MTHFD1: variants seen among roughly 807,000 people sequenced by gnomAD.
MTHFD1 encodes the protein methylenetetrahydrofolate dehydrogenase, cyclohydrolase and formyltetrahydrofolate synthetase 1.
MTHFD1 carries 44 observed loss-of-function variants against 110.3 expected under a neutral mutation model. That is an observed-to-expected ratio of 0.40 (90% CI 0.31 to 0.51). The LOEUF (loss-of-function observed/expected upper bound fraction) is 0.51, where lower values mean the gene tolerates loss of function less well. Ranked by LOEUF, MTHFD1 falls within the 20% of genes least tolerant of loss-of-function variation. The pLI is 0.60. For missense variants in MTHFD1, 909 were observed against 1,173.1 expected (o/e 0.77, Z 3.29); for synonymous variants, 402 against 428.8 (o/e 0.94, Z 0.77).
At chr14:64,396,015 G>C (rs2077845672) in intron 1 of MTHFD1, among the ~76,000 whole-genome samples, 1 of 152,152 alleles carries the variant, frequency 6.6e-6, no homozygotes, top group Non-Finnish European at 1.5e-5. Flanking sequence ...CAATTGGATG[G>C]AAGAACTTTA....
At chr14:64,396,594 G>A (rs1207863372) in intron 1 of MTHFD1, among the ~76,000 whole-genome samples, 3 of 142,130 alleles carry the variant, frequency 2.1e-5, no homozygotes, top group South Asian at 2.3e-4. Flanking sequence ...TAGTAGAGAC[G>A]GGGTTTCACC....
At chr14:64,411,902 GA>G (rs368259635) in intron 3 of MTHFD1, among the ~76,000 whole-genome samples, 24 of 146,422 alleles carry the variant, frequency 1.6e-4, no homozygotes, top group South Asian at 1.1e-3. Flanking sequence ...GCTCCAACCA[GA>G]AAAAAAAAAG....
intron 4 of MTHFD1, among the ~76,000 whole-genome samples, chr14:64,414,534 C>T (rs906868339): frequency 1.8e-4 from 28 of 151,672 alleles, no homozygotes; most frequent in Non-Finnish European, 7.4e-5. Context: ...TCAAGTGATC[C>T]AGTAGCTGCT....
intron 16 of MTHFD1, among the ~76,000 whole-genome samples, chr14:64,438,682 G>A (rs1295907823): frequency 1.3e-5 from 2 of 152,154 alleles, no homozygotes; most frequent in Non-Finnish European, 2.9e-5. Context: ...ATTTGCACTT[G>A]CCCTGATTTG....
Position 64,444,711 on chromosome 14 carries a change from C to T in MTHFD1, c.2155C>T (p.Leu719Phe). 6.2e-7 allele frequency: 1 copy of T among 1,614,108 alleles called. No individual in the cohort carries two copies. The highest frequency in any genetic ancestry group is 2.2e-5 in the East Asian group (1 of 44,882). ...CTTCCAGGTCACTGCTGGACTGCCTCTTCCCAAGGCTTACATACAGGAGGT... is the reference window on the plus strand; with the variant it reads ...CTTCCAGGTCACTGCTGGACTGCCTTTTCCCAAGGCTTACATACAGGAGGT... ...GGPTVTAGLP[L>F]PKAYIQENLE... Residue 719 changes from leucine to phenylalanine, a missense_variant, in exon 22 of 28, where the codon CTT becomes TTT. By Grantham distance (22) the Leu-to-Phe change is conservative (BLOSUM62 0). Around this residue, in one of 3 missense-constraint regions of MTHFD1, gnomAD observed 482 missense variants for 646.0 expected, o/e 0.75. Coordinates refer to ENST00000652337, the MANE Select transcript of MTHFD1 (RefSeq NM_005956.4).
At chr14:64,423,363 G>A (rs2078090365) in intron 8 of MTHFD1, among the ~76,000 whole-genome samples, 2 of 151,968 alleles carry the variant, frequency 1.3e-5, no homozygotes, top group Non-Finnish European at 2.9e-5. Flanking sequence ...AGCCTTCTTT[G>A]CATTTTGGAC....
In MTHFD1 at chr14:64,405,962, T is replaced by C. The variant is rs187754127; in HGVS notation, c.126+5085T>C. The stretch of plus-strand genomic sequence containing the variant: ...CAAAATTTATTTGTGTTTCATTATA[T>C]ACCTTATACTTGTAGACTGAAGGTA... On this transcript the variant is annotated intron_variant, in intron 2 of 27. Coordinates refer to ENST00000652337, the MANE Select transcript of MTHFD1 (RefSeq NM_005956.4). 4.0e-3 allele frequency among the ~76,000 whole-genome samples: 613 copies of C among 151,624 alleles called. 2 individuals carry two copies. Among genetic ancestry groups the C allele is most frequent in the African/African-American group, 0.014 (581 of 41,426 alleles).
At chr14:64,454,249 C>A (rs978436744) in intron 25 of MTHFD1, among the ~76,000 whole-genome samples, 5 of 152,070 alleles carry the variant, frequency 3.3e-5, no homozygotes, top group Non-Finnish European at 7.4e-5. Flanking sequence ...AGTAGCTGCG[C>A]CTACAGGCAC....
At chr14:64,435,763 C>A in intron 16 of MTHFD1, 92 bp downstream of exon 16, 2 of 814,174 alleles carry the variant, frequency 2.5e-6, no homozygotes, top group Non-Finnish European at 2.2e-6. Context: ...GGCTCAGAAG[C>A]TTCCATGTTG....
chr14:64,449,380 A>G, intron 23 of MTHFD1, 65 bp from the exon 24 acceptor site: 1 of 1,577,128 alleles, frequency 6.3e-7, no homozygotes, highest in Non-Finnish European at 8.7e-7. Flanking sequence ...TTTAATGGCA[A>G]AAAGAAGACA....
At chr14:64,441,986 C>T (rs964746039) in intron 19 of MTHFD1, 68 bp from the exon 20 acceptor site, 4 of 997,466 alleles carry the variant, frequency 4.0e-6, no homozygotes, top group South Asian at 2.6e-5. Context: ...AATTCCATAC[C>T]GTTGAATGTG....
chr14:64,453,197 T>C (rs909017634), intron 24 of MTHFD1, among the ~76,000 whole-genome samples: 28 of 152,144 alleles, frequency 1.8e-4, no homozygotes, highest in African/African-American at 6.0e-4. Context: ...TGTGTGTATA[T>C]GTATATCTGC....
chr14:64,400,158 G>GTCCTAGA (rs2077885069), intron 1 of MTHFD1, among the ~76,000 whole-genome samples: 1 of 151,614 alleles, frequency 6.6e-6, no homozygotes, highest in African/African-American at 2.4e-5. Context: ...GGAAGCTGAG[G>GTCCTAGA]TGGGGGGATC....
In MTHFD1 at chr14:64,402,024, C is replaced by A. The variant is rs1039189027; in HGVS notation, c.126+1147C>A. ...AAAAGGGAAGAATTTTTTTAACAGT[C>A]CTTCCAGGTAATTGTGGGTATTTTT... is the stretch of plus-strand genomic sequence containing the variant. On this transcript the variant is annotated intron_variant, in intron 2 of 27. Coordinates refer to ENST00000652337, the MANE Select transcript of MTHFD1 (RefSeq NM_005956.4). 3.9e-5 allele frequency among the ~76,000 whole-genome samples: 6 copies of A among 152,108 alleles called. No individual in the cohort carries two copies. In the South Asian group the frequency reaches 8.3e-4, roughly 21 times the overall value.
At chr14:64,432,023 G>A (rs530909976) in intron 15 of MTHFD1, among the ~76,000 whole-genome samples, 162 bp downstream of exon 15, 1 of 152,146 alleles carries the variant, frequency 6.6e-6, no homozygotes, top group African/African-American at 2.4e-5. Context: ...GGATGGTAGA[G>A]GTTATTTCTC....
intron 23 of MTHFD1, chr14:64,449,020 C>CG: frequency 3.3e-6 from 1 of 307,626 alleles, no homozygotes; most frequent in South Asian, 3.0e-5. Flanking sequence ...AGGATGGTCT[C>CG]GATCTCCTGA....
chr14:64,441,577 T>C (rs146302590), intron 19 of MTHFD1, 124 bp downstream of exon 19: 861 of 800,884 alleles, frequency 1.1e-3, no homozygotes, highest in Admixed American at 1.7e-3. Context: ...GAGGCCAAGG[T>C]GGGCAGATCA....
chr14:64,442,363 C>T lies in MTHFD1; in HGVS notation c.2097C>T (p.Ala699=). ...GLCPHVVVLV[A]TVRALKMHGG... is the part of the protein sequence containing the mutation. ...GCCCCCACGTGGTGGTGCTTGTTGC[C>T]ACTGTCAGGGCTCTCAAGATGCACG... The change falls in exon 21 of 28, where the codon GCC becomes GCT. Residue 699 remains alanine (A), a synonymous_variant. Transcript: ENST00000652337. 1.2e-6 allele frequency: 2 copies of T among 1,614,192 alleles called. No individual in the cohort carries two copies. The highest frequency in any genetic ancestry group is 1.6e-4 in the Middle Eastern group (1 of 6,062).
chr14:64,457,747 C>T (rs575130773), intron 26 of MTHFD1, among the ~76,000 whole-genome samples: 10 of 152,252 alleles, frequency 6.6e-5, no homozygotes, highest in African/African-American at 2.2e-4. Flanking sequence ...TGAGCCACCA[C>T]GCCCGGCAGG....
Sources: allele counts gnomAD v4.1 joint callset (sites outside exome capture counted in the v4.1 genomes callset), GRCh38; gene constraint gnomAD v4.1.1; regional missense constraint gnomAD v4.1.1; transcripts MANE v1.5; gene names NCBI Gene and HGNC (gene_info 2026-07-23, HGNC 2026-07-21).